Variants in ELP4 observed in about 807,000 individuals in gnomAD.
The protein encoded by ELP4 is elongator acetyltransferase complex subunit 4, also known as elongator complex protein 4.
Under a neutral mutation model 48.9 loss-of-function variants are expected in ELP4, and 51 were observed. That is an observed-to-expected ratio of 1.04 (90% confidence interval 0.83 to 1.32). The LOEUF (loss-of-function observed/expected upper bound fraction) is 1.32. ELP4 is among the 40% of genes most tolerant of loss of function. The probability of loss-of-function intolerance (pLI) is 0.00; values close to 1 mark genes in which losing one functional copy is unlikely to be tolerated. For missense variants in ELP4, 519 were observed against 514.6 expected, an observed-to-expected ratio of 1.01 and a Z score of -0.08; for synonymous variants, 210 against 189.2, an observed-to-expected ratio of 1.11 and a Z score of -0.90.
At chr11:31,532,169 C>T (rs78258315) in intron 2 of ELP4, among the ~76,000 whole-genome samples, 12 of 152,128 alleles carry the variant, frequency 7.9e-5, no homozygotes, top group East Asian at 3.9e-4. Flanking sequence ...AATAACTTAA[C>T]GAATTAGCAT....
intron 9 of ELP4, among the ~76,000 whole-genome samples, chr11:31,677,062 CTCAT>C (rs1945940536): frequency 6.6e-6 from 1 of 152,164 alleles, no homozygotes; most frequent in Non-Finnish European, 1.5e-5. Context: ...ATAGGCTTAG[CTCAT>C]TCAATTAGTA....
At chr11:31,691,043 T>C (rs141528273) in intron 9 of ELP4, among the ~76,000 whole-genome samples, 1 of 152,186 alleles carries the variant, frequency 6.6e-6, no homozygotes, top group African/African-American at 2.4e-5. Flanking sequence ...ATTTAAATGA[T>C]ACCCAGTCAC....
At chr11:31,656,200 A>G (rs1462710980) in intron 9 of ELP4, among the ~76,000 whole-genome samples, 1 of 152,064 alleles carries the variant, frequency 6.6e-6, no homozygotes, top group Non-Finnish European at 1.5e-5. Flanking sequence ...TATTGCAGTA[A>G]TAGTGACATG....
At chr11:31,717,202 C>A (rs1946859350) in intron 9 of ELP4, among the ~76,000 whole-genome samples, 1 of 152,112 alleles carries the variant, frequency 6.6e-6, no homozygotes, top group African/African-American at 2.4e-5. Flanking sequence ...GTTCCAGGAA[C>A]TTGGATTGAA....
intron 4 of ELP4, among the ~76,000 whole-genome samples, chr11:31,597,630 G>A (rs1957694126): frequency 6.6e-6 from 1 of 152,144 alleles, no homozygotes; most frequent in African/African-American, 2.4e-5. Context: ...GGAGTACAGT[G>A]GAGCGATCTC....
chr11:31,699,230 T>A (rs1946471975), intron 9 of ELP4, among the ~76,000 whole-genome samples: 1 of 152,084 alleles, frequency 6.6e-6, no homozygotes, highest in Admixed American at 6.6e-5. Flanking sequence ...AGATAGCTAA[T>A]TCTAGGATTG....
intron 2 of ELP4, among the ~76,000 whole-genome samples, chr11:31,522,977 A>G (rs1371630336): frequency 6.6e-6 from 1 of 151,546 alleles, no homozygotes; most frequent in Admixed American, 6.6e-5. Context: ...CTCCCTTCTC[A>G]GTCTCCTGAG....
intron 3 of ELP4, 75 bp downstream of exon 3, chr11:31,539,858 T>TA: frequency 8.2e-7 from 1 of 1,225,722 alleles, no homozygotes; most frequent in South Asian, 2.0e-5. Context: ...GTAAACAAGA[T>TA]ATATGTTTGT....
At chr11:31,741,523 A>G (rs1190517006) in intron 9 of ELP4, among the ~76,000 whole-genome samples, 2 of 152,144 alleles carry the variant, frequency 1.3e-5, no homozygotes, top group African/African-American at 4.8e-5. Context: ...CACCTCACAC[A>G]GCCGGGTACT....
chr11:31,584,470 G>T (rs1171543903), intron 3 of ELP4, among the ~76,000 whole-genome samples: 1 of 151,912 alleles, frequency 6.6e-6, no homozygotes, highest in Non-Finnish European at 1.5e-5. Context: ...AGAGAACCAA[G>T]AATGTAAGAT....
At chr11:31,587,180 C>A (rs576856450) in intron 3 of ELP4, among the ~76,000 whole-genome samples, 1 of 152,234 alleles carries the variant, frequency 6.6e-6, no homozygotes, top group African/African-American at 2.4e-5. Flanking sequence ...ATTCTTAGTG[C>A]CTTCCTGACT....
chr11:31,710,596 G>A (rs1946719403), intron 9 of ELP4, among the ~76,000 whole-genome samples: 1 of 151,000 alleles, frequency 6.6e-6, no homozygotes, highest in Admixed American at 6.6e-5. Flanking sequence ...CTGCACTCTG[G>A]CCTAGGTGAC....
At chr11:31,769,068 A>T in intron 9 of ELP4, among the ~76,000 whole-genome samples, 1 of 152,022 alleles carries the variant, frequency 6.6e-6, no homozygotes, top group Non-Finnish European at 1.5e-5. Context: ...AAAAAACAAC[A>T]ATTCCCCCTT....
At chr11:31,622,428 G>A (rs1211648124) in intron 5 of ELP4, among the ~76,000 whole-genome samples, 1 of 151,390 alleles carries the variant, frequency 6.6e-6, no homozygotes. Flanking sequence ...TTTGCTAAGT[G>A]TTCCTTTGTT....
intron 9 of ELP4, among the ~76,000 whole-genome samples, chr11:31,710,911 G>A (rs1275867840): frequency 1.3e-5 from 2 of 152,178 alleles, no homozygotes; most frequent in African/African-American, 2.4e-5. Context: ...TTGGTTCCAT[G>A]AAGTAAGAAA....
At chr11:31,588,766 TGA>T (rs1957520174) in intron 3 of ELP4, among the ~76,000 whole-genome samples, 1 of 152,116 alleles carries the variant, frequency 6.6e-6, no homozygotes, top group African/African-American at 2.4e-5. Flanking sequence ...GCAGATCACT[TGA>T]GGTCAGGAGT....
At chr11:31,617,988 GA>G (rs1314075110) in intron 5 of ELP4, among the ~76,000 whole-genome samples, 1 of 151,942 alleles carries the variant, frequency 6.6e-6, no homozygotes, top group Non-Finnish European at 1.5e-5. Context: ...GATTAAAACA[GA>G]ACCTTTTTTT....
intron 5 of ELP4, among the ~76,000 whole-genome samples, chr11:31,626,731 A>G (rs1944752430): frequency 6.6e-6 from 1 of 151,916 alleles, no homozygotes; most frequent in South Asian, 2.1e-4. Context: ...TGTACTTGGC[A>G]TAGCAGTTCA....
chr11:31,545,608 C>T (rs563896922), intron 3 of ELP4, among the ~76,000 whole-genome samples: 17 of 152,218 alleles, frequency 1.1e-4, no homozygotes, highest in African/African-American at 3.9e-4. Context: ...GGCAGGCCAA[C>T]ATTCAGATTC....
Sources: allele counts gnomAD v4.1 joint callset (sites outside exome capture counted in the v4.1 genomes callset), GRCh38; gene constraint gnomAD v4.1.1; transcripts MANE v1.5; gene names NCBI Gene and HGNC (gene_info 2026-07-23, HGNC 2026-07-21).